The following AQR variants were observed in gnomAD, a reference collection of about 807,000 sequenced individuals.
AQR encodes aquarius intron-binding spliceosomal factor.
Under a neutral mutation model 180.5 loss-of-function variants are expected in AQR, and 61 were observed. The observed-to-expected ratio is 0.34, with a 90% confidence interval of 0.28 to 0.42. The LOEUF is 0.42. Ranked by LOEUF, AQR falls within the 10% of genes least tolerant of loss-of-function variation. The pLI is 1.00. For synonymous variants in AQR, 551 were observed against 588.8 expected, an observed-to-expected ratio of 0.94 and a Z score of 0.93; for missense variants, 1,281 against 1,798.3, an observed-to-expected ratio of 0.71 and a Z score of 5.20.
In AQR at chr15:34,918,252, C is replaced by A; in HGVS notation, c.1342+6G>T. The A allele has an allele frequency of 6.2e-7, 1 of 1,611,276 alleles. No homozygotes were observed. The highest frequency in any genetic ancestry group is 1.1e-5 in the South Asian group (1 of 90,302). On this transcript the variant is annotated splice_donor_region_variant and intron_variant, in intron 15 of 34. Coordinates refer to ENST00000156471, the MANE Select transcript of AQR (RefSeq NM_014691.3). ...GTACAGCTGAATCCATACTTCTTTACCATACCTTCTCCAGAATAGTACTCA... is the reference window on the plus strand; with the variant it reads ...GTACAGCTGAATCCATACTTCTTTAACATACCTTCTCCAGAATAGTACTCA...
At chr15:34,881,838 C>T (rs1465398407) in intron 27 of AQR, among the ~76,000 whole-genome samples, 2 of 152,204 alleles carry the variant, frequency 1.3e-5, no homozygotes, top group East Asian at 3.9e-4. Flanking sequence ...TAGAGTCTCA[C>T]TCTGTTGCCC....
At chr15:34,934,525 A>T (rs747721041) in intron 10 of AQR, 46 bp downstream of exon 10, 1 of 1,403,752 alleles carries the variant, frequency 7.1e-7, no homozygotes, top group Admixed American at 2.1e-5. Context: ...TTAATCTTAG[A>T]CCCCCTAATG....
At chr15:34,900,509 TA>T in intron 20 of AQR, 112 bp downstream of exon 20, 1 of 1,362,360 alleles carries the variant, frequency 7.3e-7, no homozygotes, top group Non-Finnish European at 1.0e-6. Flanking sequence ...TAGGGACTGC[TA>T]AAACAAAATC....
intron 20 of AQR, 131 bp from the exon 21 acceptor site, chr15:34,897,836 G>A (rs1290429226): frequency 2.1e-6 from 2 of 968,300 alleles, no homozygotes; most frequent in Admixed American, 5.6e-5. Flanking sequence ...AACGATATCT[G>A]TATGTAAACT....
chr15:34,915,235 C>G, intron 15 of AQR, 56 bp from the exon 16 acceptor site: 1 of 1,437,504 alleles, frequency 7.0e-7, no homozygotes, highest in Non-Finnish European at 9.2e-7. Context: ...GAGACGGAGT[C>G]TCACTCTGTC....
chr15:34,923,813 G>GC (rs1893716199), intron 13 of AQR, among the ~76,000 whole-genome samples: 1 of 152,056 alleles, frequency 6.6e-6, no homozygotes, highest in Admixed American at 6.6e-5. Context: ...ATAATGTCTT[G>GC]ATTACTATAG....
At position 34,911,104 on chromosome 15, in the gene AQR, G is replaced by C. The variant is rs1450392708; in HGVS notation, c.1485-791C>G. ...GGTTTATCCATGTTGTCAAAAAAAG[G>C]ATTTCCTTCTTTTTAAAAGGTGAAT... On this transcript the variant is annotated intron_variant, in intron 16 of 34. Coordinates refer to ENST00000156471, the MANE Select transcript of AQR (RefSeq NM_014691.3). 2.0e-5 allele frequency among the ~76,000 whole-genome samples: 3 copies of C among 152,060 alleles called. No homozygotes were observed. The East Asian group carries it at 5.8e-4, about 29-fold the overall frequency.
intron 13 of AQR, among the ~76,000 whole-genome samples, chr15:34,924,710 C>T (rs144576674): frequency 6.6e-6 from 1 of 152,142 alleles, no homozygotes; most frequent in Middle Eastern, 3.4e-3. Context: ...GGGTTATAGG[C>T]GTGAGCTACC....
chr15:34,870,611 A>G (rs1050674895), intron 31 of AQR, 141 bp downstream of exon 31: 2 of 652,216 alleles, frequency 3.1e-6, no homozygotes, highest in Non-Finnish European at 4.8e-6. Flanking sequence ...CAAGACTGTC[A>G]GAGAGTTATT....
At chr15:34,926,629 A>G (rs939329974) in intron 13 of AQR, among the ~76,000 whole-genome samples, 1 of 152,264 alleles carries the variant, frequency 6.6e-6, no homozygotes, top group Admixed American at 6.5e-5. Flanking sequence ...AGGATATATT[A>G]GCAGATAGCT....
At chr15:34,900,580 C>G (rs1382647206) in intron 20 of AQR, 42 bp downstream of exon 20, 2 of 1,588,546 alleles carry the variant, frequency 1.3e-6, no homozygotes, top group African/African-American at 1.3e-5. Flanking sequence ...CGTACATTGA[C>G]TACAGAATGC....
At chr15:34,914,873 T>G (rs1029508269) in intron 16 of AQR, among the ~76,000 whole-genome samples, 165 bp downstream of exon 16, 1 of 152,232 alleles carries the variant, frequency 6.6e-6, no homozygotes, top group African/African-American at 2.4e-5. Flanking sequence ...ACTTTTGATG[T>G]ATGTTAATTC....
chr15:34,917,948 G>A (rs12902633), intron 15 of AQR, among the ~76,000 whole-genome samples: 116,903 of 151,794 alleles, frequency 0.77, 45,597 homozygotes, highest in Middle Eastern at 0.87. Flanking sequence ...GCACCACTGC[G>A]CTCCAGCCTG....
chr15:34,943,656 T>C (rs1424872937), intron 6 of AQR, among the ~76,000 whole-genome samples: 5 of 152,148 alleles, frequency 3.3e-5, no homozygotes, highest in Admixed American at 1.3e-4. Flanking sequence ...TGCATGGGTG[T>C]AAGTGAATTA....
In AQR at chr15:34,853,180, C is replaced by G. The variant is rs1174399883; in HGVS notation, c.*3612G>C. The G allele has an allele frequency of 6.6e-6, 1 of 151,824 alleles. No homozygotes were observed. The allele number at this position is 151,824 out of a possible 1,614,324, so 9.4% of individuals were successfully genotyped here. ...ATTGCTAAATAATTACACAGGCTAACTGCCAAGCATTTTTCACAGGAAGCA... is the reference window on the plus strand; with the variant it reads ...ATTGCTAAATAATTACACAGGCTAAGTGCCAAGCATTTTTCACAGGAAGCA... On this transcript the variant is annotated 3_prime_UTR_variant, in exon 35 of 35. Transcript: ENST00000156471.
At chr15:34,918,124 G>A in intron 15 of AQR, 134 bp downstream of exon 15, 1 of 908,158 alleles carries the variant, frequency 1.1e-6, no homozygotes, top group Non-Finnish European at 1.6e-6. Flanking sequence ...AGCTTCTAAA[G>A]TTAACTTCTG....
intron 24 of AQR, 150 bp downstream of exon 24, chr15:34,890,065 T>C (rs1035326622): frequency 1.7e-6 from 1 of 601,244 alleles, no homozygotes; most frequent in Non-Finnish European, 2.7e-6. Flanking sequence ...CATGACCATA[T>C]TTCTAGCTCA....
At chr15:34,907,323 C>T (rs186485328) in intron 17 of AQR, among the ~76,000 whole-genome samples, 175 of 152,352 alleles carry the variant, frequency 1.1e-3, no homozygotes, top group Admixed American at 1.8e-3. Context: ...TCCACAGCTT[C>T]TTGGTCACTA....
rs1893535079 is a variant in AQR, at chr15:34,913,773, C to T, written c.1484+1265G>A. On this transcript the variant is annotated intron_variant, in intron 16 of 34. Transcript: ENST00000156471. The stretch of plus-strand genomic sequence containing the variant: ...ATAAATTGTAAAGAAGTTTTCTGAT[C>T]AAGCACTCCCCTAGGGTGCAAACAA... Among the ~76,000 whole-genome samples, 2 of 152,172 alleles carry T rather than the reference C, an allele frequency of 1.3e-5. 1 individual carries two copies. Among genetic ancestry groups the T allele is most frequent in the South Asian group, 4.1e-4 (2 of 4,830 alleles).
Sources: gnomAD v4.1 joint callset for allele counts (sites outside exome capture counted in the v4.1 genomes callset) on GRCh38, gnomAD v4.1.1 for gene constraint, MANE v1.5 for transcripts, NCBI Gene and HGNC (gene_info 2026-07-23, HGNC 2026-07-21) for gene names.